The following SDR16C5 variants were observed in gnomAD, a reference collection of about 807,000 sequenced individuals.
The protein encoded by SDR16C5 is short chain dehydrogenase/reductase family 16C member 5, also known as epidermal retinol dehydrogenase 2.
A neutral mutation model predicts 27.7 loss-of-function variants in SDR16C5; 20 were observed. The ratio of observed to expected loss-of-function variants is 0.72; its 90% CI spans 0.51 to 1.05. The LOEUF (loss-of-function observed/expected upper bound fraction) is 1.05, where lower values mean the gene tolerates loss of function less well. Ranked by LOEUF, SDR16C5 falls within the 50% of genes least tolerant of loss-of-function variation. The pLI is 0.00. For missense variants in SDR16C5, 374 were observed against 366.3 expected, an observed-to-expected ratio of 1.02 and a Z score of -0.17; for synonymous variants, 139 against 132.3, an observed-to-expected ratio of 1.05 and a Z score of -0.35.
chr8:56,311,367 G>T (rs547392901), intron 3 of SDR16C5, among the ~76,000 whole-genome samples: 6 of 152,286 alleles, frequency 3.9e-5, no homozygotes, highest in African/African-American at 1.4e-4. Flanking sequence ...AGTGAGCTGA[G>T]ATCACACCAC....
At chr8:56,319,541 C>T (rs545074596) in intron 1 of SDR16C5, among the ~76,000 whole-genome samples, 3 of 152,172 alleles carry the variant, frequency 2.0e-5, no homozygotes, top group Non-Finnish European at 2.9e-5. Context: ...TCGCGGCCTA[C>T]CCAATCCAAA....
At position 56,305,663 on chromosome 8, in the gene SDR16C5, G is replaced by T; in HGVS notation, c.770C>A (p.Ala257Asp). 1 of 1,599,770 alleles carries T rather than the reference G, an allele frequency of 6.3e-7. No homozygotes were observed. Among genetic ancestry groups the T allele is most frequent in the Non-Finnish European group, 8.5e-7 (1 of 1,174,502 alleles). ...PKYAVEKIVE[A>D]ILQEKMYLYM... is the part of the protein sequence containing the mutation. ...CAAGTACATTTTTTCTTGTAGAATA[G>T]CTTCTACTATTTTTTCAACTGCATA... The change falls in exon 6 of 7, where the codon GCT becomes GAT. Residue 257 changes from alanine to aspartate, a missense_variant. Coordinates refer to ENST00000303749, the MANE Select transcript of SDR16C5 (RefSeq NM_138969.4).
intron 1 of SDR16C5, among the ~76,000 whole-genome samples, chr8:56,318,389 T>A (rs1815253340): frequency 6.6e-6 from 1 of 152,186 alleles, no homozygotes; most frequent in African/African-American, 2.4e-5. Flanking sequence ...TGAAAAGGTG[T>A]CCTGAAAGAG....
rs528172349 is a variant in SDR16C5 at position 56,319,220 on chromosome 8, C to T, written c.-15+839G>A. ...GCAAGAGGAGCTGTTTGGATTTCAA[C>T]ACCTGCCAGCTTACATGTCTCCCCC... is the stretch of plus-strand genomic sequence containing the variant. On this transcript the variant is annotated intron_variant, in intron 1 of 6. Transcript: ENST00000303749. Among the ~76,000 whole-genome samples the T allele has an allele frequency of 7.9e-5, 12 of 151,610 alleles. No individual in the cohort carries two copies. In the South Asian group the frequency reaches 2.3e-3, roughly 29 times the overall value.
At chr8:56,315,143 G>A (rs911903639) in intron 2 of SDR16C5, among the ~76,000 whole-genome samples, 5 of 152,006 alleles carry the variant, frequency 3.3e-5, no homozygotes, top group Admixed American at 1.3e-4. Flanking sequence ...TACTCGGGGG[G>A]CTGAGGCAAG....
intron 4 of SDR16C5, among the ~76,000 whole-genome samples, chr8:56,307,224 G>T (rs938321534): frequency 2.6e-5 from 4 of 152,116 alleles, no homozygotes; most frequent in African/African-American, 9.7e-5. Context: ...AGGAATCTAG[G>T]CAAGAGAGGC....
intron 4 of SDR16C5, among the ~76,000 whole-genome samples, chr8:56,308,553 G>A (rs1202630135): frequency 6.6e-6 from 1 of 152,228 alleles, no homozygotes; most frequent in African/African-American, 2.4e-5. Flanking sequence ...GCAGTGGGGA[G>A]ACCACTTAAA....
At chr8:56,315,720 T>C (rs1018778621) in intron 2 of SDR16C5, among the ~76,000 whole-genome samples, 1 of 152,168 alleles carries the variant, frequency 6.6e-6, no homozygotes, top group Non-Finnish European at 1.5e-5. Context: ...AGCTATAGTC[T>C]TGCTGTTTAC....
intron 2 of SDR16C5, 127 bp from the exon 3 acceptor site, chr8:56,312,415 C>T: frequency 2.4e-6 from 2 of 825,860 alleles, no homozygotes; most frequent in Middle Eastern, 2.4e-4. Context: ...TCTAAAAATA[C>T]AGCTTGGGGC....
chr8:56,319,563 G>C (rs1815281922), intron 1 of SDR16C5, among the ~76,000 whole-genome samples: 1 of 152,132 alleles, frequency 6.6e-6, no homozygotes, highest in South Asian at 2.1e-4. Flanking sequence ...AGGCGCCCTC[G>C]GCTTCCCATA....
intron 2 of SDR16C5, among the ~76,000 whole-genome samples, 177 bp from the exon 3 acceptor site, chr8:56,312,465 C>T (rs1266068801): frequency 2.0e-5 from 3 of 152,096 alleles, no homozygotes; most frequent in Non-Finnish European, 2.9e-5. Flanking sequence ...AGCACTCTGG[C>T]AGGCCGAGGC....
intron 1 of SDR16C5, among the ~76,000 whole-genome samples, chr8:56,318,723 C>T (rs187612694): frequency 3.3e-5 from 5 of 152,260 alleles, no homozygotes; most frequent in African/African-American, 1.2e-4. Context: ...CAGTGTTCCA[C>T]TGTCTCAATG....
chr8:56,303,546 G>A (rs552501907), intron 6 of SDR16C5, among the ~76,000 whole-genome samples: 34 of 152,210 alleles, frequency 2.2e-4, no homozygotes, highest in African/African-American at 7.9e-4. Flanking sequence ...AACCCTAAGC[G>A]CAGATCCTTG....
intron 6 of SDR16C5, among the ~76,000 whole-genome samples, chr8:56,304,799 C>A (rs554986454): frequency 6.6e-6 from 1 of 152,198 alleles, no homozygotes; most frequent in East Asian, 1.9e-4. Context: ...TGGGTTCAAG[C>A]AATCCTCCTG....
chr8:56,305,655 G>T lies in SDR16C5; in HGVS notation c.778C>A (p.Gln260Lys). 1 of 1,599,640 alleles carries T rather than the reference G, an allele frequency of 6.3e-7. No individual in the cohort carries two copies. Among genetic ancestry groups the T allele is most frequent in the Non-Finnish European group, 8.5e-7 (1 of 1,175,282 alleles). ...GGCATATACAAGTACATTTTTTCTT[G>T]TAGAATAGCTTCTACTATTTTTTCA... The part of the protein sequence containing the change: ...AVEKIVEAIL[Q>K]EKMYLYMPKL... Residue 260 changes from glutamine (Q) to lysine (K), a missense_variant, in exon 6 of 7, where the codon CAA becomes AAA. Coordinates refer to ENST00000303749, the MANE Select transcript of SDR16C5 (RefSeq NM_138969.4).
intron 4 of SDR16C5, among the ~76,000 whole-genome samples, chr8:56,308,330 C>T (rs1182597028): frequency 6.6e-6 from 1 of 152,214 alleles, no homozygotes; most frequent in Non-Finnish European, 1.5e-5. Context: ...GTCAAGATTT[C>T]TATTCCTTCT....
At chr8:56,308,284 G>A (rs1188594487) in intron 4 of SDR16C5, among the ~76,000 whole-genome samples, 1 of 152,186 alleles carries the variant, frequency 6.6e-6, no homozygotes, top group Non-Finnish European at 1.5e-5. Flanking sequence ...GCCAGGACTT[G>A]GGACATTTCC....
At chr8:56,318,568 C>A (rs888183810) in intron 1 of SDR16C5, among the ~76,000 whole-genome samples, 2 of 152,110 alleles carry the variant, frequency 1.3e-5, no homozygotes, top group East Asian at 3.9e-4. Context: ...CACCACATTC[C>A]CTTTTATATC....
In SDR16C5 at chr8:56,312,149, AT is replaced by A. The variant is rs1446512638; in HGVS notation, c.465+7del. ...TTTACATTTATGATGAGAAGAAACA[AT>A]TATTACCCATAAATGTGCTTTGAAA... On this transcript the variant is annotated splice_region_variant and intron_variant, in intron 3 of 6. Transcript: ENST00000303749. 6.2e-7 allele frequency: 1 copy of A among 1,604,438 alleles called. No homozygotes were observed. Among genetic ancestry groups the A allele is most frequent in the Non-Finnish European group, 8.5e-7 (1 of 1,172,440 alleles).
Sources: gnomAD v4.1 joint callset for allele counts (sites outside exome capture counted in the v4.1 genomes callset) on GRCh38, gnomAD v4.1.1 for gene constraint, MANE v1.5 for transcripts, NCBI Gene and HGNC (gene_info 2026-07-23, HGNC 2026-07-21) for gene names.